The following CDC42BPA variants were observed in gnomAD, a reference collection of about 807,000 sequenced individuals.
The protein encoded by CDC42BPA is serine/threonine-protein kinase MRCK alpha.
In CDC42BPA, 80 loss-of-function variants were observed where a neutral mutation model predicts 223.5. That is an observed-to-expected ratio of 0.36 (90% confidence interval 0.30 to 0.43). The LOEUF is 0.43. Among genes scored for constraint, CDC42BPA ranks in the 20% least tolerant of loss-of-function variants. The pLI is 1.00. For synonymous variants in CDC42BPA, 694 were observed against 718.6 expected (o/e 0.97, Z 0.55); for missense variants, 1,743 against 2,099.9 (o/e 0.83, Z 3.32).
At chr1:227,253,124 A>G (rs1050929900) in intron 2 of CDC42BPA, among the ~76,000 whole-genome samples, 7 of 152,074 alleles carry the variant, frequency 4.6e-5, no homozygotes, top group Admixed American at 3.9e-4. Context: ...TAAAATGCCA[A>G]TTGTCTGCAA....
At chr1:227,178,909 T>C (rs1173960508) in intron 5 of CDC42BPA, among the ~76,000 whole-genome samples, 1 of 152,236 alleles carries the variant, frequency 6.6e-6, no homozygotes, top group African/African-American at 2.4e-5. Context: ...TGGACTGCAC[T>C]GTGTATGCTA....
At chr1:227,106,493 T>C (rs139349106) in intron 14 of CDC42BPA, among the ~76,000 whole-genome samples, 5 of 152,324 alleles carry the variant, frequency 3.3e-5, no homozygotes, top group Non-Finnish European at 5.9e-5. Context: ...TCTATATTAA[T>C]AAGAAACGTT....
At chr1:227,020,920 C>T (rs2104861) in intron 32 of CDC42BPA, among the ~76,000 whole-genome samples, 83,633 of 151,906 alleles carry the variant, frequency 0.55, 23,663 homozygotes, top group Non-Finnish European at 0.63. Flanking sequence ...GAGTCTATTG[C>T]AGGGCTATTA....
At chr1:227,279,424 T>C (rs1422093210) in intron 1 of CDC42BPA, among the ~76,000 whole-genome samples, 2 of 152,122 alleles carry the variant, frequency 1.3e-5, no homozygotes, top group Non-Finnish European at 2.9e-5. Flanking sequence ...GAAAACTTAG[T>C]AGACTGCTAC....
At chr1:227,185,628 T>G (rs957472264) in intron 5 of CDC42BPA, among the ~76,000 whole-genome samples, 1 of 152,078 alleles carries the variant, frequency 6.6e-6, no homozygotes. Flanking sequence ...TGGGGTTCTG[T>G]CTCTTGGCTT....
intron 16 of CDC42BPA, among the ~76,000 whole-genome samples, chr1:227,089,293 G>A (rs1012048041): frequency 7.9e-5 from 12 of 152,166 alleles, no homozygotes; most frequent in African/African-American, 2.7e-4. Context: ...CATCCTTGGG[G>A]AAACTACCCA....
intron 3 of CDC42BPA, among the ~76,000 whole-genome samples, chr1:227,209,999 G>A (rs1278073895): frequency 1.3e-5 from 2 of 150,630 alleles, no homozygotes; most frequent in East Asian, 3.9e-4. Flanking sequence ...GACTCTTTTT[G>A]GTTGGTAAAC....
intron 14 of CDC42BPA, among the ~76,000 whole-genome samples, chr1:227,107,506 G>A (rs1686133720): frequency 1.3e-5 from 2 of 152,074 alleles, no homozygotes; most frequent in Admixed American, 6.6e-5. Context: ...CTGAAGTCTC[G>A]ACCTCCGAAG....
At position 227,034,785 on chromosome 1, in the gene CDC42BPA, G is replaced by C; in HGVS notation, c.3346C>G (p.Pro1116Ala). 1.3e-6 allele frequency: 2 copies of C among 1,592,322 alleles called. No homozygotes were observed. The highest frequency in any genetic ancestry group is 2.3e-5 in the South Asian group (2 of 88,002). Residue 1116 changes from proline to alanine, a missense_variant, in exon 26 of 37, where the codon CCA becomes GCA. Physicochemically the swap from Pro to Ala is conservative, Grantham distance 27. Coordinates refer to ENST00000366766, the MANE Select transcript of CDC42BPA (RefSeq NM_001394014.1). Reference protein sequence around the residue: ...AYEGHVRIPKPAGVKKGWQRA... With the variant: ...AYEGHVRIPKAAGVKKGWQRA... The stretch of plus-strand genomic sequence containing the variant: ...TGCCACCCTTTCTTCACTCCAGCTG[G>C]CTTAGGAATCTTAGTTTTGTTTTAG...
At chr1:227,287,179 A>G (rs754586260) in intron 1 of CDC42BPA, among the ~76,000 whole-genome samples, 48 of 152,060 alleles carry the variant, frequency 3.2e-4, no homozygotes, top group Non-Finnish European at 5.9e-5. Context: ...GACAATCTCA[A>G]TACTCTCTCC....
intron 15 of CDC42BPA, among the ~76,000 whole-genome samples, chr1:227,093,199 C>T (rs1683401060): frequency 6.6e-6 from 1 of 152,190 alleles, no homozygotes; most frequent in Non-Finnish European, 1.5e-5. Flanking sequence ...TACAGTGACA[C>T]TCAACCTGGG....
In CDC42BPA at chr1:227,235,716, C is replaced by A. The variant is rs1389215829; in HGVS notation, c.270+18348G>T. Reference sequence around the variant, plus strand: ...CTTTTAATTTCCTAATAAGGACTTTCACACAGACTAGCATTCTACGCAATG... The same window carrying A: ...CTTTTAATTTCCTAATAAGGACTTTAACACAGACTAGCATTCTACGCAATG... On this transcript the variant is annotated intron_variant, in intron 2 of 36. Transcript: ENST00000366766. 3.3e-5 allele frequency among the ~76,000 whole-genome samples: 5 copies of A among 152,188 alleles called. No homozygotes were observed. In the East Asian group the frequency reaches 9.6e-4, roughly 29 times the overall value.
chr1:227,260,318 T>C (rs183072809), intron 1 of CDC42BPA, among the ~76,000 whole-genome samples: 39 of 151,288 alleles, frequency 2.6e-4, no homozygotes, highest in Admixed American at 1.5e-3. Context: ...TGGGGTTCAT[T>C]GTTTACTGTT....
chr1:227,295,124 A>G (rs1462156415), intron 1 of CDC42BPA, among the ~76,000 whole-genome samples: 1 of 152,102 alleles, frequency 6.6e-6, no homozygotes. Context: ...TTACATACTA[A>G]GGAAAAATAA....
chr1:227,034,156 T>C (rs1320129918), intron 26 of CDC42BPA, among the ~76,000 whole-genome samples: 1 of 152,162 alleles, frequency 6.6e-6, no homozygotes, highest in African/African-American at 2.4e-5. Flanking sequence ...TGAGTAAATA[T>C]GATCACTCAA....
intron 1 of CDC42BPA, among the ~76,000 whole-genome samples, chr1:227,261,503 A>T (rs1161990854): frequency 6.8e-6 from 1 of 147,508 alleles, no homozygotes; most frequent in East Asian, 1.9e-4. Context: ...ACCCACACAT[A>T]CACAAATACA....
intron 20 of CDC42BPA, among the ~76,000 whole-genome samples, chr1:227,071,595 C>T (rs1159921845): frequency 6.6e-6 from 1 of 151,574 alleles, no homozygotes; most frequent in East Asian, 1.9e-4. Flanking sequence ...AAGTGTCAAA[C>T]TGGAAGAAGA....
intron 4 of CDC42BPA, among the ~76,000 whole-genome samples, chr1:227,198,965 G>C (rs1430130313): frequency 6.6e-6 from 1 of 152,006 alleles, no homozygotes; most frequent in Non-Finnish European, 1.5e-5. Context: ...AGCTAGGATG[G>C]TCTCAATCTC....
chr1:227,126,515 GGAAGGTAA>G (rs1175285503), intron 11 of CDC42BPA, among the ~76,000 whole-genome samples: 2 of 82,706 alleles, frequency 2.4e-5, no homozygotes, highest in African/African-American at 9.7e-5. Context: ...AAGGAAGGAA[GGAAGGTAA>G]GAAAGGAAAA....
Sources: allele counts gnomAD v4.1 joint callset (sites outside exome capture counted in the v4.1 genomes callset), GRCh38; gene constraint gnomAD v4.1.1; transcripts MANE v1.5; gene names NCBI Gene and HGNC (gene_info 2026-07-23, HGNC 2026-07-21).